The following BASP1 variants were observed in gnomAD, a reference collection of about 807,000 sequenced individuals.
BASP1 encodes brain abundant membrane attached signal protein 1.
Under a neutral mutation model 2.2 loss-of-function variants are expected in BASP1, and 1 was observed. The observed-to-expected ratio is 0.46, with a 90% confidence interval of 0.16 to 2.17. The LOEUF is 2.17. Ranked by LOEUF, BASP1 falls within the 30% of genes most tolerant of loss-of-function variation. The pLI, the probability that BASP1 is intolerant of heterozygous loss-of-function variation, is 0.27. For synonymous variants in BASP1, 187 were observed against 154.2 expected (o/e 1.21, Z -1.58); for missense variants, 352 against 327.2 (o/e 1.08, Z -0.58).
intron 1 of BASP1, among the ~76,000 whole-genome samples, chr5:17,225,726 T>G (rs1739487586): frequency 6.6e-6 from 1 of 152,232 alleles, no homozygotes. Context: ...AGATCCAGTG[T>G]GCACGTTGTC....
At chr5:17,230,483 A>T (rs1739609857) in intron 1 of BASP1, among the ~76,000 whole-genome samples, 1 of 152,096 alleles carries the variant, frequency 6.6e-6, no homozygotes, top group South Asian at 2.1e-4. Flanking sequence ...ACTTACAGGG[A>T]TTCTTTTGAG....
chr5:17,252,047 A>G (rs967736569), intron 1 of BASP1, among the ~76,000 whole-genome samples: 3 of 152,134 alleles, frequency 2.0e-5, no homozygotes, highest in Non-Finnish European at 4.4e-5. Flanking sequence ...GCCAAGGATG[A>G]CAGCCCCTTG....
At chr5:17,266,839 AT>A (rs1360896829) in intron 1 of BASP1, among the ~76,000 whole-genome samples, 106 of 150,694 alleles carry the variant, frequency 7.0e-4, no homozygotes, top group African/African-American at 2.1e-3. Context: ...AAAAAAAAAA[AT>A]CTGACCTGGA....
Position 17,275,944 on chromosome 5 carries a change from C to CCTCTCTCT in BASP1, c.*63_*70dup, listed in dbSNP as rs59080603. 138 of 1,084,380 alleles carry CCTCTCTCT rather than the reference C, an allele frequency of 1.3e-4. No homozygotes were observed. The African/African-American group carries it at 1.5e-3, about 12-fold the overall frequency. 67.2% of individuals were successfully genotyped at this position (1,084,380 alleles called of 1,614,324 possible). A position where few individuals can be genotyped will look rare whatever the true frequency, so the allele number is the denominator to read the frequency against. Reference sequence around the variant, plus strand: ...AAAACAATACCACTTAAAACAATCTCCTCTCTCTCTCTCTCTCTCTCTCTC... The same window carrying CCTCTCTCT: ...AAAACAATACCACTTAAAACAATCTCCTCTCTCTCTCTCTCTCTCTCTCTCTCTCTCTC... On this transcript the variant is annotated 3_prime_UTR_variant, in exon 2 of 2. Coordinates refer to ENST00000322611, the MANE Select transcript of BASP1 (RefSeq NM_006317.5). This position sits in a 1 kb window ranked among gnomAD's most constrained non-coding sequence, Gnocchi z 5.3.
upstream of BASP1, chr5:17,217,087 AGAGAGAGAGT>A (rs1279294955): frequency 6.9e-6 from 1 of 144,128 alleles, no homozygotes; most frequent in Admixed American, 6.9e-5. Flanking sequence ...AGAGAGAGAG[AGAGAGAGAGT>A]GAGTGAGAGA....
At chr5:17,233,850 C>T (rs914102466) in intron 1 of BASP1, among the ~76,000 whole-genome samples, 4 of 151,708 alleles carry the variant, frequency 2.6e-5, no homozygotes, top group Admixed American at 6.6e-5. Flanking sequence ...AAATACAGGC[C>T]GGGCGCAGTG....
At chr5:17,271,614 T>C (rs1033459587) in intron 1 of BASP1, among the ~76,000 whole-genome samples, 1 of 152,214 alleles carries the variant, frequency 6.6e-6, no homozygotes, top group African/African-American at 2.4e-5. Flanking sequence ...CTCGGCCTTT[T>C]CAGTAGAGCT....
intron 1 of BASP1, among the ~76,000 whole-genome samples, chr5:17,247,383 A>G (rs545184449): frequency 1.3e-5 from 2 of 152,278 alleles, no homozygotes; most frequent in Admixed American, 1.3e-4. Flanking sequence ...TCTATAAAGG[A>G]CATGGATCCT....
intron 1 of BASP1, among the ~76,000 whole-genome samples, chr5:17,227,218 C>T (rs554585409): frequency 9.9e-4 from 148 of 148,934 alleles, no homozygotes; most frequent in Non-Finnish European, 1.5e-3. Context: ...TGTGAGCCAC[C>T]GCACCCGTCC....
At chr5:17,271,113 C>G (rs1047047286) in intron 1 of BASP1, among the ~76,000 whole-genome samples, 4 of 152,170 alleles carry the variant, frequency 2.6e-5, no homozygotes, top group African/African-American at 9.7e-5. Context: ...CTTTGAAGGA[C>G]AGCTTTTTTG....
chr5:17,219,016 C>G (rs75585847), intron 1 of BASP1, among the ~76,000 whole-genome samples: 11,251 of 152,060 alleles, frequency 0.074, 1,354 homozygotes, highest in African/African-American at 0.25. Flanking sequence ...CCTCTGTCTC[C>G]CCCGCGGCCA....
chr5:17,249,404 T>C (rs1346330273), intron 1 of BASP1, among the ~76,000 whole-genome samples: 6 of 152,206 alleles, frequency 3.9e-5, no homozygotes. Flanking sequence ...GGTAGATCCC[T>C]ACTGAGCTTT....
intron 1 of BASP1, among the ~76,000 whole-genome samples, chr5:17,233,959 T>C (rs1739687146): frequency 1.3e-5 from 2 of 152,168 alleles, no homozygotes; most frequent in South Asian, 4.1e-4. Flanking sequence ...TGAAACCCCA[T>C]CTCTACTAAA....
intron 1 of BASP1, among the ~76,000 whole-genome samples, chr5:17,230,502 T>G (rs147219374): frequency 6.6e-6 from 1 of 152,282 alleles, no homozygotes; most frequent in Non-Finnish European, 1.5e-5. Context: ...AGGGGCATTC[T>G]CAACAAGTGT....
At chr5:17,268,028 T>C (rs1740452029) in intron 1 of BASP1, among the ~76,000 whole-genome samples, 1 of 152,006 alleles carries the variant, frequency 6.6e-6, no homozygotes, top group Non-Finnish European at 1.5e-5. Context: ...TGTTTCTTTA[T>C]CTTGCATTGC....
upstream of BASP1, chr5:17,216,990 A>T (rs114138806): frequency 5.6e-3 from 853 of 151,698 alleles, 9 homozygotes; most frequent in Middle Eastern, 0.055. This position sits in a 1 kb window ranked among gnomAD's most constrained non-coding sequence, Gnocchi z 6.4. Flanking sequence ...ACCTCGAGGC[A>T]GCTCCCTAAG....
At chr5:17,272,125 T>C (rs1740542167) in intron 1 of BASP1, among the ~76,000 whole-genome samples, 1 of 151,504 alleles carries the variant, frequency 6.6e-6, no homozygotes, top group Non-Finnish European at 1.5e-5. Flanking sequence ...TTAAACTGTA[T>C]GCTCATTGCT....
chr5:17,245,316 A>C (rs1739955626), intron 1 of BASP1, among the ~76,000 whole-genome samples: 1 of 152,026 alleles, frequency 6.6e-6, no homozygotes, highest in Non-Finnish European at 1.5e-5. Context: ...TCAAAAAAAA[A>C]AAAAAAAAAT....
intron 1 of BASP1, among the ~76,000 whole-genome samples, chr5:17,224,465 G>A (rs1286804508): frequency 7.8e-6 from 1 of 128,648 alleles, no homozygotes; most frequent in East Asian, 2.8e-4. Flanking sequence ...GGGGAAAAAA[G>A]GGGAAGGGGG....
Sources: gnomAD v4.1 joint callset for allele counts (sites outside exome capture counted in the v4.1 genomes callset) on GRCh38, gnomAD v4.1.1 for gene constraint, Gnocchi (gnomAD v3.1) non-coding constraint, MANE v1.5 for transcripts, NCBI Gene and HGNC (gene_info 2026-07-23, HGNC 2026-07-21) for gene names.